The following PLEKHM3 variants were observed in gnomAD, a reference collection of about 807,000 sequenced individuals.
PLEKHM3 encodes the protein pleckstrin homology domain containing M3.
In PLEKHM3, 45 loss-of-function variants were observed where a neutral mutation model predicts 81.8. The observed-to-expected ratio is 0.55, with a 90% CI of 0.43 to 0.71. The LOEUF (loss-of-function observed/expected upper bound fraction) is 0.71, where lower values mean the gene tolerates loss of function less well. Ranked by LOEUF, PLEKHM3 falls within the 30% of genes least tolerant of loss-of-function variation. The pLI is 0.00. For synonymous variants in PLEKHM3, 352 were observed against 356.4 expected (o/e 0.99, Z 0.14); for missense variants, 788 against 924.3 (o/e 0.85, Z 1.91).
intron 7 of PLEKHM3, among the ~76,000 whole-genome samples, chr2:207,847,670 A>G (rs1405369659): frequency 6.6e-6 from 1 of 152,198 alleles, no homozygotes; most frequent in Non-Finnish European, 1.5e-5. Flanking sequence ...AAGTTCCTCA[A>G]AATGTTCCTC....
At chr2:207,892,089 T>A (rs1349193020) in intron 6 of PLEKHM3, among the ~76,000 whole-genome samples, 1 of 152,128 alleles carries the variant, frequency 6.6e-6, no homozygotes, top group Non-Finnish European at 1.5e-5. Context: ...ACTGTATTCC[T>A]CTCCTCTCAG....
intron 6 of PLEKHM3, among the ~76,000 whole-genome samples, chr2:207,895,173 G>A (rs1005814460): frequency 3.3e-5 from 5 of 152,140 alleles, no homozygotes; most frequent in African/African-American, 9.7e-5. Context: ...ATCCTGGGTC[G>A]TGAGTTTTCT....
intron 6 of PLEKHM3, among the ~76,000 whole-genome samples, chr2:207,866,530 C>T (rs1027915958): frequency 1.3e-5 from 2 of 152,174 alleles, no homozygotes; most frequent in African/African-American, 4.8e-5. Context: ...TACTATGTCC[C>T]AGACACTCAA....
Position 207,828,230 on chromosome 2 carries a change from C to A in PLEKHM3, c.*89G>T. ...GTTGAAGAGGATACATACTCTTCTT[C>A]CAAAGGGGTCTAACTGGCTAGTTAG... On this transcript the variant is annotated 3_prime_UTR_variant, in exon 8 of 8. Transcript: ENST00000427836. The A allele has an allele frequency of 7.5e-7, 1 of 1,328,496 alleles. No individual in the cohort carries two copies. Among genetic ancestry groups the A allele is most frequent in the Non-Finnish European group, 1.0e-6 (1 of 965,644 alleles). The allele number at this position is 1,328,496 out of a possible 1,614,324, so 82.3% of individuals were successfully genotyped here.
At chr2:207,905,604 G>A (rs1260407373) in intron 6 of PLEKHM3, among the ~76,000 whole-genome samples, 2 of 152,224 alleles carry the variant, frequency 1.3e-5, no homozygotes, top group Non-Finnish European at 2.9e-5. Context: ...TAGCCAAGAT[G>A]CAGACAGATC....
intron 6 of PLEKHM3, among the ~76,000 whole-genome samples, chr2:207,890,294 TAAATA>T (rs1688020914): frequency 6.6e-6 from 1 of 152,130 alleles, no homozygotes; most frequent in Non-Finnish European, 1.5e-5. Flanking sequence ...ATGGTTTCCT[TAAATA>T]CATGACTGTG....
chr2:207,861,173 C>T lies in PLEKHM3; in HGVS notation c.2040G>A (p.Lys680=). 1 of 1,614,124 alleles carries T rather than the reference C, an allele frequency of 6.2e-7. No individual in the cohort carries two copies. The highest frequency in any genetic ancestry group is 8.5e-7 in the Non-Finnish European group (1 of 1,180,020). Residue 680 remains lysine (K), a synonymous_variant, in exon 7 of 8, where the codon AAG becomes AAA. Coordinates refer to ENST00000427836, the MANE Select transcript of PLEKHM3 (RefSeq NM_001080475.3). ...HVYSCSLCSQ[K]GFICEICNNG... The stretch of plus-strand genomic sequence containing the variant: ...TGTTACAGATTTCACAGATGAACCC[C>T]TTCTGGCTACAAAGACTGCAGCTGT...
intron 1 of PLEKHM3, among the ~76,000 whole-genome samples, chr2:208,003,796 T>C: frequency 6.6e-6 from 1 of 152,202 alleles, no homozygotes; most frequent in South Asian, 2.1e-4. Flanking sequence ...TTCAATTTCA[T>C]CTTGTATACC....
chr2:207,991,417 C>T (rs1691896402), intron 2 of PLEKHM3, among the ~76,000 whole-genome samples: 1 of 152,154 alleles, frequency 6.6e-6, no homozygotes, highest in Non-Finnish European at 1.5e-5. Flanking sequence ...ATTAACAGAA[C>T]CCTAATTTTG....
At chr2:207,934,979 T>C (rs963579805) in intron 4 of PLEKHM3, among the ~76,000 whole-genome samples, 1 of 152,160 alleles carries the variant, frequency 6.6e-6, no homozygotes, top group African/African-American at 2.4e-5. Flanking sequence ...TGTTTAACCA[T>C]AGATAGCAAT....
intron 1 of PLEKHM3, among the ~76,000 whole-genome samples, chr2:208,012,449 C>T (rs945758865): frequency 6.6e-6 from 1 of 152,212 alleles, no homozygotes; most frequent in African/African-American, 2.4e-5. Flanking sequence ...AAATCCTTGT[C>T]TAATTACTGA....
chr2:208,017,583 CT>C (rs751718418), intron 1 of PLEKHM3, among the ~76,000 whole-genome samples: 15 of 152,168 alleles, frequency 9.9e-5, no homozygotes, highest in Non-Finnish European at 1.9e-4. Context: ...TAAAATCCAT[CT>C]TTGCCACCCA....
chr2:207,898,589 AC>A (rs1269366936), intron 6 of PLEKHM3, among the ~76,000 whole-genome samples: 2 of 152,076 alleles, frequency 1.3e-5, no homozygotes, highest in Non-Finnish European at 2.9e-5. Context: ...ACACATCTCT[AC>A]CAAAAAACCC....
intron 7 of PLEKHM3, among the ~76,000 whole-genome samples, chr2:207,838,549 T>C (rs766432286): frequency 6.6e-6 from 1 of 152,254 alleles, no homozygotes; most frequent in Non-Finnish European, 1.5e-5. Flanking sequence ...ACTTAATCAG[T>C]GCTTCTTGCT....
chr2:207,913,497 AG>A (rs1475608812), intron 5 of PLEKHM3, among the ~76,000 whole-genome samples: 1 of 152,176 alleles, frequency 6.6e-6, no homozygotes, highest in Non-Finnish European at 1.5e-5. Context: ...ATGGCATCAA[AG>A]GTAGTGGAGA....
intron 7 of PLEKHM3, among the ~76,000 whole-genome samples, chr2:207,851,952 G>A (rs540604140): frequency 9.9e-5 from 15 of 152,192 alleles, no homozygotes; most frequent in African/African-American, 3.6e-4. Flanking sequence ...TGGAAGCTCT[G>A]TTGTTGTCTC....
At chr2:207,862,886 C>A (rs1310075982) in intron 6 of PLEKHM3, among the ~76,000 whole-genome samples, 1 of 152,124 alleles carries the variant, frequency 6.6e-6, no homozygotes, top group Non-Finnish European at 1.5e-5. Context: ...AATGGTGGTT[C>A]CATTCAATTG....
chr2:207,924,529 C>T (rs1004040147), intron 5 of PLEKHM3, among the ~76,000 whole-genome samples: 9 of 152,022 alleles, frequency 5.9e-5, no homozygotes, highest in African/African-American at 1.7e-4. Context: ...ACTAAAAATA[C>T]AAAAATTAGC....
At chr2:207,980,727 C>T (rs1300458596) in intron 2 of PLEKHM3, among the ~76,000 whole-genome samples, 1 of 152,146 alleles carries the variant, frequency 6.6e-6, no homozygotes, top group African/African-American at 2.4e-5. Context: ...TGCCACCACA[C>T]CTGGCTAATT....
Sources: allele counts gnomAD v4.1 joint callset (sites outside exome capture counted in the v4.1 genomes callset), GRCh38; gene constraint gnomAD v4.1.1; transcripts MANE v1.5; gene names NCBI Gene and HGNC (gene_info 2026-07-23, HGNC 2026-07-21).